BIN1: variants seen among roughly 807,000 people sequenced by gnomAD.
BIN1 encodes bridging integrator 1.
BIN1 carries 53 observed loss-of-function variants against 82.0 expected under a neutral mutation model. That is an observed-to-expected ratio of 0.65 (90% CI 0.52 to 0.81). The LOEUF is 0.81. Ranked by LOEUF, BIN1 falls within the 40% of genes least tolerant of loss-of-function variation. BIN1 has a pLI of 0.00. For synonymous variants in BIN1, 302 were observed against 328.0 expected (o/e 0.92, Z 0.86); for missense variants, 642 against 784.4 (o/e 0.82, Z 2.17).
intron 8 of BIN1, 136 bp downstream of exon 8, chr2:127,063,797 C>T: frequency 1.4e-6 from 2 of 1,414,252 alleles, no homozygotes; most frequent in Non-Finnish European, 2.0e-6. Context: ...GACACTGCAG[C>T]ACACAGGCTG....
intron 1 of BIN1, among the ~76,000 whole-genome samples, chr2:127,094,430 GT>G (rs965014957): frequency 6.6e-6 from 1 of 152,172 alleles, no homozygotes; most frequent in African/African-American, 2.4e-5. Flanking sequence ...AGCAAACAGG[GT>G]TTGCTGTTAG....
At chr2:127,065,842 C>T (rs144499724) in intron 7 of BIN1, among the ~76,000 whole-genome samples, 1 of 152,296 alleles carries the variant, frequency 6.6e-6, no homozygotes, top group Non-Finnish European at 1.5e-5. Context: ...GTCTTGTATT[C>T]CCTTTGGGTG....
rs1685473645 is a variant in BIN1 at position 127,068,680 on chromosome 2, G to T, written c.519+244C>A. ...AACCCAGGAGGCCCATTCTCAGGCT[G>T]GCAGGTGGCCTGGATCAGGGCTGAG... is the stretch of plus-strand genomic sequence containing the variant. On this transcript the variant is annotated intron_variant, in intron 6 of 18. Coordinates refer to ENST00000316724, the MANE Select transcript of BIN1 (RefSeq NM_139343.3). The surrounding 1 kb of genome is among the most constrained non-coding windows in gnomAD (Gnocchi z 4.9). Among the ~76,000 whole-genome samples the T allele has an allele frequency of 1.3e-5, 2 of 152,266 alleles. No homozygotes were observed. Among genetic ancestry groups the T allele is most frequent in the Middle Eastern group, 6.8e-3 (2 of 294 alleles).
Position 127,076,698 on chromosome 2 carries a change from C to T in BIN1, c.93G>A (p.Gln31=), listed in dbSNP as rs770014402. Residue 31 remains glutamine (Q), a synonymous_variant, in exon 2 of 19, where the codon CAG becomes CAA. Coordinates refer to ENST00000316724, the MANE Select transcript of BIN1 (RefSeq NM_139343.3). Reference sequence around the variant, plus strand: ...TGGTCTCATCTGCCTTCCCCAGCTTCTGGAGAACCTGCCGAAGCCAAGAGA... The same window carrying T: ...TGGTCTCATCTGCCTTCCCCAGCTTTTGGAGAACCTGCCGAAGCCAAGAGA... ...KLTRAQEKVL[Q]KLGKADETKD... 1 of 1,614,150 alleles carries T rather than the reference C, an allele frequency of 6.2e-7. No individual in the cohort carries two copies. Among genetic ancestry groups the T allele is most frequent in the Non-Finnish European group, 8.5e-7 (1 of 1,180,028 alleles).
intron 4 of BIN1, 138 bp from the exon 5 acceptor site, chr2:127,070,228 T>C: frequency 1.3e-6 from 1 of 742,498 alleles, no homozygotes; most frequent in South Asian, 1.5e-5. Context: ...TCCCCATCTG[T>C]AAGATGGGGG....
chr2:127,071,486 C>T (rs544409196), intron 2 of BIN1, among the ~76,000 whole-genome samples: 2 of 152,232 alleles, frequency 1.3e-5, no homozygotes, highest in African/African-American at 4.8e-5. Flanking sequence ...TGGTGAAGCT[C>T]CCTGAGCAGG....
chr2:127,065,856 T>C (rs1394740843), intron 7 of BIN1, among the ~76,000 whole-genome samples: 3 of 152,198 alleles, frequency 2.0e-5, no homozygotes, highest in Non-Finnish European at 4.4e-5. Context: ...TTGGGTGACA[T>C]TCCTCATATT....
At chr2:127,058,473 G>A (rs1317803585) in intron 11 of BIN1, among the ~76,000 whole-genome samples, 1 of 152,150 alleles carries the variant, frequency 6.6e-6, no homozygotes, top group East Asian at 1.9e-4. Context: ...GCCCGCTGGG[G>A]GCAGGCGGGG....
At chr2:127,053,707 C>A in intron 13 of BIN1, 198 bp downstream of exon 13, 2 of 698,856 alleles carry the variant, frequency 2.9e-6, no homozygotes, top group Non-Finnish European at 5.1e-6. Flanking sequence ...CAGTAACCCC[C>A]TACTGAGAGT....
At chr2:127,072,694 C>T (rs972599205) in intron 2 of BIN1, among the ~76,000 whole-genome samples, 1 of 152,098 alleles carries the variant, frequency 6.6e-6, no homozygotes, top group African/African-American at 2.4e-5. Context: ...TAATCATCAT[C>T]TTTACAAACA....
intron 1 of BIN1, among the ~76,000 whole-genome samples, chr2:127,097,340 C>G (rs186633715): frequency 6.7e-6 from 1 of 149,434 alleles, no homozygotes; most frequent in Non-Finnish European, 1.5e-5. Context: ...AGGAGCGTCA[C>G]CCCTCCAGGC....
chr2:127,074,389 G>A (rs1004692304), intron 2 of BIN1, among the ~76,000 whole-genome samples: 12 of 152,138 alleles, frequency 7.9e-5, no homozygotes, highest in African/African-American at 2.4e-4. Context: ...CCTGGCCCCT[G>A]AAAAGCCAGC....
chr2:127,094,761 G>A (rs534051794), intron 1 of BIN1, among the ~76,000 whole-genome samples: 6 of 152,290 alleles, frequency 3.9e-5, no homozygotes, highest in Non-Finnish European at 5.9e-5. Context: ...AGCTCCCCCC[G>A]CCCAGCCCTG....
At chr2:127,061,160 G>A (rs952296120) in intron 10 of BIN1, among the ~76,000 whole-genome samples, 1 of 151,286 alleles carries the variant, frequency 6.6e-6, no homozygotes, top group Non-Finnish European at 1.5e-5. Flanking sequence ...CTCCCTGCCC[G>A]ACCTTGAATT....
Position 127,050,535 on chromosome 2 carries a change from C to T in BIN1, c.1573-13G>A, listed in dbSNP as rs573164881. On this transcript the variant is annotated splice_polypyrimidine_tract_variant and intron_variant, in intron 17 of 18. Transcript: ENST00000316724. ...GCTGGGCCTGTACCTGCAGAGGATG[C>T]GGATCGCAAGTCAGACCTTCCGTCC... 3.5e-5 allele frequency: 56 copies of T among 1,613,782 alleles called. No individual in the cohort carries two copies. In the East Asian group the frequency reaches 7.8e-4, roughly 22 times the overall value.
chr2:127,094,177 T>C (rs1047200192), intron 1 of BIN1, among the ~76,000 whole-genome samples: 5 of 152,218 alleles, frequency 3.3e-5, no homozygotes, highest in Non-Finnish European at 7.3e-5. Context: ...GGGGAGTAAC[T>C]TGTCCAAGGT....
At chr2:127,060,578 A>G (rs113186211) in intron 10 of BIN1, 1 of 1,614,060 alleles carries the variant, frequency 6.2e-7, no homozygotes, top group Non-Finnish European at 8.5e-7. Context: ...GCCCCTCCGC[A>G]GCACTCACTG....
chr2:127,090,082 G>A lies in BIN1; in HGVS notation c.85-13376C>T, dbSNP rs1678721425. The stretch of plus-strand genomic sequence containing the variant: ...TCCACTGCAGCATGGCCAGTTCCTT[G>A]GAACAGCATATACCAACCACCCCCC... On this transcript the variant is annotated intron_variant, in intron 1 of 18. Transcript: ENST00000316724. The surrounding 1 kb of genome is among the most constrained non-coding windows in gnomAD (Gnocchi z 6.4). Among the ~76,000 whole-genome samples the A allele has an allele frequency of 6.6e-6, 1 of 151,670 alleles. No homozygotes were observed. The highest frequency in any genetic ancestry group is 1.5e-5 in the Non-Finnish European group (1 of 67,954).
rs894924535 is a variant in BIN1 at position 127,048,618 on chromosome 2, T to C, written c.1690A>G (p.Met564Val). 1 of 1,612,848 alleles carries C rather than the reference T, an allele frequency of 6.2e-7. No individual in the cohort carries two copies. The highest frequency in any genetic ancestry group is 1.7e-5 in the Admixed American group (1 of 59,990). The change falls in exon 19 of 19, where the codon ATG (methionine) becomes GTG (valine). Residue 564 changes from methionine to valine, a missense_variant. Physicochemically the swap from Met to Val is conservative, Grantham distance 21. Coordinates refer to ENST00000316724, the MANE Select transcript of BIN1 (RefSeq NM_139343.3). ...NPEEQDEGWLMGVKESDWNQH... is the reference protein window; with the variant it reads ...NPEEQDEGWLVGVKESDWNQH... ...TTCCAGTCGCTCTCCTTCACGCCCA[T>C]GAGCCAGCCTTCATCCTGAGGGGCA...
Sources: allele counts gnomAD v4.1 joint callset (sites outside exome capture counted in the v4.1 genomes callset), GRCh38; gene constraint gnomAD v4.1.1; non-coding constraint Gnocchi (gnomAD v3.1); transcripts MANE v1.5; gene names NCBI Gene and HGNC (gene_info 2026-07-23, HGNC 2026-07-21).